The following PLEKHA7 variants were observed in gnomAD, a reference collection of about 807,000 sequenced individuals.
PLEKHA7 encodes the protein pleckstrin homology domain containing A7, also known as pleckstrin homology domain-containing family A member 7.
In PLEKHA7, 104 loss-of-function variants were observed where a neutral mutation model predicts 170.0. The observed-to-expected ratio is 0.61, with a 90% CI of 0.52 to 0.72. PLEKHA7 has a LOEUF of 0.72. Among genes scored for constraint, PLEKHA7 ranks in the 30% least tolerant of loss-of-function variants. PLEKHA7 has a pLI of 0.00. For synonymous variants in PLEKHA7, 648 were observed against 660.8 expected (o/e 0.98, Z 0.30); for missense variants, 1,615 against 1,671.7 (o/e 0.97, Z 0.59).
At chr11:16,963,096 C>T (rs558562072) in intron 3 of PLEKHA7, among the ~76,000 whole-genome samples, 6 of 152,278 alleles carry the variant, frequency 3.9e-5, no homozygotes, top group Middle Eastern at 3.4e-3. Flanking sequence ...GGATGTATCA[C>T]GGAAAGACAA....
intron 3 of PLEKHA7, among the ~76,000 whole-genome samples, chr11:16,917,890 C>A (rs184692684): frequency 5.9e-5 from 9 of 152,284 alleles, no homozygotes; most frequent in African/African-American, 1.9e-4. Context: ...AGAAGTTGAA[C>A]CTTCTTGGTT....
intron 3 of PLEKHA7, among the ~76,000 whole-genome samples, chr11:16,969,317 G>A (rs997696895): frequency 3.3e-5 from 5 of 152,176 alleles, no homozygotes; most frequent in African/African-American, 1.2e-4. Flanking sequence ...GAATCTAACA[G>A]AGATAAGCTT....
Position 16,826,433 on chromosome 11 carries a change from G to C in PLEKHA7, c.1030C>G (p.Gln344Glu), listed in dbSNP as rs764997691. Residue 344 changes from glutamine (Q) to glutamate (E), a missense_variant, in exon 10 of 27, where the codon CAG becomes GAG. By Grantham distance (29) the Gln-to-Glu change is conservative. Coordinates refer to ENST00000531066, the MANE Select transcript of PLEKHA7 (RefSeq NM_001329630.2). Reference sequence around the variant, plus strand: ...AGTGGGTCCCTCTGGGAACGGTACTGCTCTCCCTCCTGCTCCTGCCTCTCG... The same window carrying C: ...AGTGGGTCCCTCTGGGAACGGTACTCCTCTCCCTCCTGCTCCTGCCTCTCG... ...NFERQEQEGE[Q>E]YRSQRDPLEG... 9.9e-6 allele frequency: 16 copies of C among 1,614,206 alleles called. No individual in the cohort carries two copies. Among genetic ancestry groups the C allele is most frequent in the Non-Finnish European group, 1.3e-5 (15 of 1,180,042 alleles).
intron 9 of PLEKHA7, among the ~76,000 whole-genome samples, chr11:16,836,762 A>C (rs1590278001): frequency 6.7e-6 from 1 of 149,348 alleles, no homozygotes; most frequent in African/African-American, 2.5e-5. Flanking sequence ...AGCTGGAAAA[A>C]CTTGTGTTTT....
At chr11:16,986,068 A>G (rs1426752125) in intron 3 of PLEKHA7, among the ~76,000 whole-genome samples, 1 of 152,214 alleles carries the variant, frequency 6.6e-6, no homozygotes, top group East Asian at 1.9e-4. Flanking sequence ...GCAAAGACAA[A>G]GAAGCAAGAG....
At chr11:16,891,647 C>T (rs923555700) in intron 3 of PLEKHA7, among the ~76,000 whole-genome samples, 1 of 152,136 alleles carries the variant, frequency 6.6e-6, no homozygotes, top group Non-Finnish European at 1.5e-5. Flanking sequence ...TTGGGACTCA[C>T]TTAATAATAG....
intron 13 of PLEKHA7, among the ~76,000 whole-genome samples, chr11:16,811,914 G>A (rs10832683): frequency 0.25 from 38,520 of 151,946 alleles, 5,591 homozygotes; most frequent in East Asian, 0.37. Context: ...AGCACCCCTG[G>A]CTCTTCAAAG....
intron 3 of PLEKHA7, among the ~76,000 whole-genome samples, chr11:16,997,072 G>A (rs1389295327): frequency 6.6e-6 from 1 of 152,170 alleles, no homozygotes; most frequent in African/African-American, 2.4e-5. Context: ...ACTGATTTGT[G>A]GACACATCAG....
chr11:16,822,457 C>T (rs1222849791), intron 10 of PLEKHA7, among the ~76,000 whole-genome samples: 3 of 148,616 alleles, frequency 2.0e-5, no homozygotes, highest in Non-Finnish European at 4.4e-5. Context: ...GGGTGCCCAG[C>T]CTCCTTGAAA....
At chr11:16,987,393 T>C (rs1031646398) in intron 3 of PLEKHA7, among the ~76,000 whole-genome samples, 30 of 152,056 alleles carry the variant, frequency 2.0e-4, no homozygotes, top group Non-Finnish European at 4.0e-4. Context: ...AATACAACTT[T>C]TGCTCCCTCC....
chr11:16,790,293 AC>A (rs1428508528), intron 21 of PLEKHA7: 16 of 231,012 alleles, frequency 6.9e-5, no homozygotes. Context: ...GAAAGGGCTC[AC>A]TGAGTCTTAG....
At chr11:16,989,842 A>AC (rs1863931076) in intron 3 of PLEKHA7, among the ~76,000 whole-genome samples, 1 of 152,138 alleles carries the variant, frequency 6.6e-6, no homozygotes, top group South Asian at 2.1e-4. Context: ...TACTACACAC[A>AC]GCTCTAATCC....
At chr11:16,927,327 A>G (rs1251005240) in intron 3 of PLEKHA7, among the ~76,000 whole-genome samples, 1 of 152,242 alleles carries the variant, frequency 6.6e-6, no homozygotes, top group African/African-American at 2.4e-5. Flanking sequence ...AAAAATTATA[A>G]TAGTGAATAC....
intron 13 of PLEKHA7, among the ~76,000 whole-genome samples, chr11:16,811,548 C>G (rs1166060865): frequency 6.6e-6 from 1 of 152,150 alleles, no homozygotes. Context: ...CTGTCTGTCC[C>G]CACAGGCTGC....
intron 3 of PLEKHA7, among the ~76,000 whole-genome samples, chr11:16,889,754 C>T (rs1856495701): frequency 6.6e-6 from 1 of 152,078 alleles, no homozygotes; most frequent in Non-Finnish European, 1.5e-5. Flanking sequence ...AAGAAAACTT[C>T]CCTGGTCATG....
chr11:17,007,881 TATTC>T (rs1385001630), intron 3 of PLEKHA7, among the ~76,000 whole-genome samples: 15 of 152,224 alleles, frequency 9.9e-5, no homozygotes, highest in African/African-American at 3.4e-4. Context: ...GGCCTAAAGA[TATTC>T]AGTTGGTGCA....
At chr11:17,002,854 G>T (rs1422852572) in intron 3 of PLEKHA7, among the ~76,000 whole-genome samples, 1 of 149,060 alleles carries the variant, frequency 6.7e-6, no homozygotes, top group African/African-American at 2.5e-5. Flanking sequence ...TTAATATTTT[G>T]TCCCATTTGC....
At chr11:16,875,158 C>T (rs1470063772) in intron 3 of PLEKHA7, among the ~76,000 whole-genome samples, 1 of 152,198 alleles carries the variant, frequency 6.6e-6, no homozygotes, top group Non-Finnish European at 1.5e-5. Context: ...AGTTGTCAGT[C>T]ACAGCATCAT....
chr11:16,940,085 T>C (rs1590671877), intron 3 of PLEKHA7, among the ~76,000 whole-genome samples: 1 of 151,924 alleles, frequency 6.6e-6, no homozygotes, highest in Non-Finnish European at 1.5e-5. Flanking sequence ...TCCCTCTTCA[T>C]AAACAATCAA....
Sources: allele counts gnomAD v4.1 joint callset (sites outside exome capture counted in the v4.1 genomes callset), GRCh38; gene constraint gnomAD v4.1.1; transcripts MANE v1.5; gene names NCBI Gene and HGNC (gene_info 2026-07-23, HGNC 2026-07-21).